BTK: variants seen among roughly 807,000 people sequenced by gnomAD.
The protein encoded by BTK is Bruton tyrosine kinase, also known as tyrosine-protein kinase BTK.
A neutral mutation model predicts 57.4 loss-of-function variants in BTK; 5 were observed. The ratio of observed to expected loss-of-function variants is 0.09; its 90% CI spans 0.05 to 0.18. The LOEUF is 0.18. Ranked by LOEUF, BTK falls within the 10% of genes least tolerant of loss-of-function variation. The probability of loss-of-function intolerance (pLI) is 1.00; values close to 1 mark genes in which losing one functional copy is unlikely to be tolerated. For missense variants in BTK, 194 were observed against 501.2 expected, an observed-to-expected ratio of 0.39 and a Z score of 5.85; for synonymous variants, 154 against 174.3, an observed-to-expected ratio of 0.88 and a Z score of 0.92.
At chrX:101,351,337 A>T (rs1398890410) in intron 18 of BTK, among the ~76,000 whole-genome samples, 1 of 112,062 alleles carries the variant, frequency 8.9e-6, no homozygotes, top group Non-Finnish European at 1.9e-5. Context: ...TCTGATATGC[A>T]TCCAATTTTG....
intron 1 of BTK, among the ~76,000 whole-genome samples, chrX:101,376,501 C>G (rs1807275190): frequency 1.8e-5 from 2 of 111,226 alleles, no homozygotes; most frequent in Non-Finnish European, 3.8e-5. Flanking sequence ...GTGGTGGATG[C>G]CTGTAATCCC....
At chrX:101,368,121 G>C (rs1174321544) in intron 5 of BTK, among the ~76,000 whole-genome samples, 1 of 111,766 alleles carries the variant, frequency 8.9e-6, no homozygotes, top group Non-Finnish European at 1.9e-5. Context: ...TAACCTCTCT[G>C]TACCTCAGCT....
chrX:101,370,652 C>T (rs1482414021), intron 4 of BTK, among the ~76,000 whole-genome samples: 2 of 111,643 alleles, frequency 1.8e-5, no homozygotes, highest in African/African-American at 6.5e-5. Context: ...ATATAATAAG[C>T]AATATCATCA....
intron 16 of BTK, 100 bp downstream of exon 16, chrX:101,354,529 GA>G (rs1360950562): frequency 3.3e-4 from 298 of 897,025 alleles, no homozygotes; most frequent in Non-Finnish European, 3.5e-4. Flanking sequence ...GCTAGAATGA[GA>G]AAAAAAAGAA....
chrX:101,362,349 A>AG lies in BTK; in HGVS notation c.521-110dup, dbSNP rs1335020368. ...CATATTGAGTGCCTTTAGGCAAGTT[A>AG]GAAAAAGTAGCTAGGCATGCCAGGT... On this transcript the variant is annotated intron_variant, in intron 6 of 18. Coordinates refer to ENST00000308731, the MANE Select transcript of BTK (RefSeq NM_000061.3). 9.7e-6 allele frequency: 10 copies of AG among 1,026,640 alleles called. No homozygotes were observed. The East Asian group carries it at 3.0e-4, about 31-fold the overall frequency. The allele number at this position is 1,026,640 out of a possible 1,213,427, so 84.6% of individuals were successfully genotyped here.
At chrX:101,363,887 C>CGTT (rs1416691490) in intron 5 of BTK, among the ~76,000 whole-genome samples, 18 of 81,819 alleles carry the variant, frequency 2.2e-4, no homozygotes, top group South Asian at 1.2e-3. Flanking sequence ...GAATCCCGCA[C>CGTT]ATTATTATTA....
chrX:101,379,729 C>T (rs1555981514), intron 1 of BTK, among the ~76,000 whole-genome samples: 1 of 112,057 alleles, frequency 8.9e-6, no homozygotes, highest in Non-Finnish European at 1.9e-5. Flanking sequence ...AAACTCCTCT[C>T]CATTTTCTAG....
upstream of BTK, among the ~76,000 whole-genome samples, chrX:101,387,870 GTT>G (rs782432904): frequency 1.0e-5 from 1 of 95,607 alleles, no homozygotes; most frequent in Non-Finnish European, 2.1e-5. Context: ...CTTTTCTTCA[GTT>G]TTTTTTTTTT....
intron 1 of BTK, among the ~76,000 whole-genome samples, chrX:101,384,254 C>T (rs1275023847): frequency 8.9e-6 from 1 of 112,001 alleles, no homozygotes; most frequent in Non-Finnish European, 1.9e-5. Flanking sequence ...TTGCACCAAT[C>T]CCCCATAACT....
At chrX:101,360,268 C>T (rs1267130692) in intron 8 of BTK, 118 bp from the exon 9 acceptor site, 4 of 574,952 alleles carry the variant, frequency 7.0e-6, no homozygotes, top group East Asian at 3.3e-5. Flanking sequence ...ATGTATCATG[C>T]ACCTCCCTCA....
intron 17 of BTK, 62 bp from the exon 18 acceptor site, chrX:101,353,413 T>G: frequency 2.8e-6 from 3 of 1,068,232 alleles, no homozygotes; most frequent in African/African-American, 1.8e-5. Context: ...GGGGTCCTAG[T>G]CTTCCTAGAT....
rs564225458 is a variant in BTK, at chrX:101,352,540, G to A, written c.1908+654C>T. ...AGCACTTTGGGAGGCCGAGGTGGGC[G>A]GATCACTTGAGGCCAGGAGTTCGAG... On this transcript the variant is annotated intron_variant, in intron 18 of 18. Transcript: ENST00000308731. Among the ~76,000 whole-genome samples, 15 of 111,866 alleles carry A rather than the reference G, an allele frequency of 1.3e-4. No homozygotes were observed. In the South Asian group the frequency reaches 2.2e-3, roughly 16 times the overall value.
chrX:101,356,400 C>A, intron 14 of BTK, 132 bp from the exon 15 acceptor site: 1 of 542,027 alleles, frequency 1.8e-6, no homozygotes, highest in Non-Finnish European at 3.0e-6. Flanking sequence ...TTATTTTCCT[C>A]TTTCCCACCC....
chrX:101,369,153 T>G (rs1926948091), intron 5 of BTK, among the ~76,000 whole-genome samples: 1 of 112,425 alleles, frequency 8.9e-6, no homozygotes, highest in South Asian at 3.6e-4. Context: ...CAAGTTTAGG[T>G]CCTCACAAAG....
intron 5 of BTK, among the ~76,000 whole-genome samples, chrX:101,367,660 A>ATAAATAAG: frequency 9.2e-6 from 1 of 108,987 alleles, no homozygotes; most frequent in East Asian, 2.8e-4. Context: ...AAATAAATAA[A>ATAAATAAG]TAAATAAATA....
chrX:101,367,870 T>C (rs1926911752), intron 5 of BTK, among the ~76,000 whole-genome samples: 2 of 111,353 alleles, frequency 1.8e-5, no homozygotes, highest in Non-Finnish European at 3.8e-5. Context: ...GGTTGTTTAT[T>C]CCCACAGATA....
intron 18 of BTK, among the ~76,000 whole-genome samples, chrX:101,352,024 G>A (rs910965964): frequency 9.1e-6 from 1 of 109,682 alleles, no homozygotes; most frequent in African/African-American, 3.3e-5. Context: ...TTAGCCGGGC[G>A]TGGTGGCGGG....
At chrX:101,390,526 T>C (rs1927746754), upstream of BTK, 2 of 515,500 alleles carry the variant, frequency 3.9e-6, no homozygotes, top group Middle Eastern at 3.1e-4. Context: ...CAATAACCAT[T>C]TGTTGAATGG....
chrX:101,370,101 C>G (rs782177286), intron 4 of BTK, 22 bp from the exon 5 acceptor site: 22 of 1,142,835 alleles, frequency 1.9e-5, no homozygotes, highest in Non-Finnish European at 6.0e-6. Context: ...AAAACACAGA[C>G]TTCAGCAGTT....
Sources: allele counts gnomAD v4.1 joint callset (sites outside exome capture counted in the v4.1 genomes callset), GRCh38; gene constraint gnomAD v4.1.1; transcripts MANE v1.5; gene names NCBI Gene and HGNC (gene_info 2026-07-23, HGNC 2026-07-21).